Variants in AGBL1 observed in about 807,000 individuals in gnomAD.
AGBL1 encodes the protein cytosolic carboxypeptidase 4.
A neutral mutation model predicts 118.9 loss-of-function variants in AGBL1; 130 were observed. That is an observed-to-expected ratio of 1.09 (90% confidence interval 0.95 to 1.26). The LOEUF is 1.26. AGBL1 is among the 50% of genes most tolerant of loss of function. The probability of loss-of-function intolerance (pLI) is 0.00; values close to 1 mark genes in which losing one functional copy is unlikely to be tolerated. For missense variants in AGBL1, 1,584 were observed against 1,298.1 expected (o/e 1.22, Z -3.38); for synonymous variants, 555 against 478.9 (o/e 1.16, Z -2.08).
In AGBL1 at chr15:86,266,360, A is replaced by C; in HGVS notation, c.1668-14A>C. 1 of 1,558,692 alleles carries C rather than the reference A, an allele frequency of 6.4e-7. No homozygotes were observed. Among genetic ancestry groups the C allele is most frequent in the Non-Finnish European group, 8.7e-7 (1 of 1,148,620 alleles). The stretch of plus-strand genomic sequence containing the variant: ...AAGGCCGACCCTTAAAATGTTTTCA[A>C]TTTTCTTTTTCAGGATCAGGATATT... On this transcript the variant is annotated splice_polypyrimidine_tract_variant and intron_variant, in intron 11 of 22. Coordinates refer to ENST00000614907, the MANE Select transcript of AGBL1 (RefSeq NM_001386094.1).
chr15:86,281,020 A>C (rs1000453441), intron 16 of AGBL1, among the ~76,000 whole-genome samples: 5 of 152,232 alleles, frequency 3.3e-5, no homozygotes, highest in Non-Finnish European at 7.3e-5. Flanking sequence ...TTAGGGACAC[A>C]GAACAGGCAA....
chr15:86,872,061 C>T (rs1352847117), intron 22 of AGBL1, among the ~76,000 whole-genome samples: 3 of 152,100 alleles, frequency 2.0e-5, no homozygotes, highest in Non-Finnish European at 4.4e-5. Context: ...TCACAAATTC[C>T]TATCGATCAA....
chr15:86,678,217 T>C (rs1324381057), intron 22 of AGBL1, among the ~76,000 whole-genome samples: 5 of 152,184 alleles, frequency 3.3e-5, no homozygotes, highest in Non-Finnish European at 7.4e-5. Flanking sequence ...AATAAATTAT[T>C]TGAACTTATT....
At chr15:86,747,623 CCCT>C (rs1439140763) in intron 22 of AGBL1, among the ~76,000 whole-genome samples, 1 of 152,096 alleles carries the variant, frequency 6.6e-6, no homozygotes, top group Non-Finnish European at 1.5e-5. Context: ...TGCTTTCCCT[CCCT>C]CCTCCCCACA....
chr15:86,284,202 A>C (rs2079404234), intron 16 of AGBL1, among the ~76,000 whole-genome samples: 2 of 151,166 alleles, frequency 1.3e-5, no homozygotes. Flanking sequence ...AAAAAAAAAA[A>C]AACAAATGGA....
At chr15:86,544,779 A>G (rs985833583) in intron 19 of AGBL1, among the ~76,000 whole-genome samples, 9 of 152,220 alleles carry the variant, frequency 5.9e-5, no homozygotes, top group Non-Finnish European at 1.3e-4. Context: ...GCCAAACCAT[A>G]TCAATGGCTA....
intron 23 of AGBL1, among the ~76,000 whole-genome samples, chr15:86,931,078 C>A (rs2080597954): frequency 6.6e-6 from 1 of 152,162 alleles, no homozygotes; most frequent in Admixed American, 6.5e-5. Context: ...TCCTCGGAGG[C>A]CTGGAAGGAG....
intron 22 of AGBL1, among the ~76,000 whole-genome samples, chr15:86,814,048 G>C (rs1345030354): frequency 6.6e-6 from 1 of 152,156 alleles, no homozygotes; most frequent in African/African-American, 2.4e-5. Context: ...GGATGCTTTA[G>C]ACCGGGGTTC....
intron 22 of AGBL1, among the ~76,000 whole-genome samples, chr15:86,853,272 C>T (rs1030652816): frequency 6.6e-6 from 1 of 152,144 alleles, no homozygotes; most frequent in African/African-American, 2.4e-5. Context: ...TTGACCAAAA[C>T]AATCAAAATA....
At chr15:86,846,931 C>G (rs1239285969) in intron 22 of AGBL1, among the ~76,000 whole-genome samples, 3 of 152,138 alleles carry the variant, frequency 2.0e-5, no homozygotes, top group Non-Finnish European at 4.4e-5. Flanking sequence ...TATTGACACC[C>G]TTTAAGTTTC....
chr15:86,114,005 A>G (rs182264067), intron 1 of AGBL1, among the ~76,000 whole-genome samples: 10 of 152,384 alleles, frequency 6.6e-5, no homozygotes, highest in Non-Finnish European at 1.0e-4. Context: ...CATTCTACAC[A>G]TAAGTCATTA....
intron 5 of AGBL1, among the ~76,000 whole-genome samples, chr15:86,182,325 T>C (rs186570165): frequency 6.6e-6 from 1 of 152,024 alleles, no homozygotes; most frequent in Non-Finnish European, 1.5e-5. Context: ...TCATCTTAGG[T>C]TTTTTGCATG....
intron 23 of AGBL1, among the ~76,000 whole-genome samples, chr15:86,960,482 C>T (rs1259993888): frequency 6.6e-6 from 1 of 151,962 alleles, no homozygotes; most frequent in Admixed American, 6.6e-5. Context: ...AAAGTCAAAA[C>T]ATTAGTGTTG....
chr15:86,651,575 T>G (rs2085370805), intron 21 of AGBL1, among the ~76,000 whole-genome samples: 1 of 152,224 alleles, frequency 6.6e-6, no homozygotes, highest in African/African-American at 2.4e-5. Flanking sequence ...ACAATGCTGT[T>G]GTCAGGATTG....
At chr15:86,109,985 C>A (rs1173487455) in intron 1 of AGBL1, 1 of 152,200 alleles carries the variant, frequency 6.6e-6, no homozygotes, top group African/African-American at 2.4e-5. Flanking sequence ...AACTCCAAAG[C>A]CACCCGAACA....
At chr15:86,921,532 C>G (rs754353211) in intron 23 of AGBL1, among the ~76,000 whole-genome samples, 1 of 152,208 alleles carries the variant, frequency 6.6e-6, no homozygotes. Flanking sequence ...TGCTCACTTA[C>G]TTCTCAAGGC....
At chr15:86,461,129 T>G (rs928124287) in intron 18 of AGBL1, among the ~76,000 whole-genome samples, 5 of 152,100 alleles carry the variant, frequency 3.3e-5, no homozygotes, top group African/African-American at 1.2e-4. Context: ...GATTCTGATG[T>G]CATTGTTCTG....
intron 24 of AGBL1, among the ~76,000 whole-genome samples, chr15:86,991,928 T>C (rs2081339590): frequency 6.6e-6 from 1 of 152,196 alleles, no homozygotes; most frequent in Non-Finnish European, 1.5e-5. Flanking sequence ...GTATCTTCCC[T>C]ATACCAGGTA....
intron 22 of AGBL1, among the ~76,000 whole-genome samples, chr15:86,840,766 G>T (rs1193245853): frequency 1.3e-5 from 2 of 152,002 alleles, no homozygotes; most frequent in African/African-American, 4.8e-5. Context: ...TCTTAGACAG[G>T]TATATTATTT....
Sources: gnomAD v4.1 joint callset for allele counts (sites outside exome capture counted in the v4.1 genomes callset) on GRCh38, gnomAD v4.1.1 for gene constraint, MANE v1.5 for transcripts, NCBI Gene and HGNC (gene_info 2026-07-23, HGNC 2026-07-21) for gene names.